Variants in TYR observed in about 807,000 individuals in gnomAD.
TYR encodes LB24-AB.
In TYR, 58 loss-of-function variants were observed where a neutral mutation model predicts 51.5. The ratio of observed to expected loss-of-function variants is 1.13; its 90% CI spans 0.91 to 1.40. The LOEUF is 1.40. TYR is among the 40% of genes most tolerant of loss of function. The pLI, the probability that TYR is intolerant of heterozygous loss-of-function variation, is 0.00. For missense variants in TYR, 732 were observed against 647.4 expected (o/e 1.13, Z -1.42); for synonymous variants, 263 against 235.2 (o/e 1.12, Z -1.08).
At chr11:89,275,190 C>T (rs1944637909) in intron 3 of TYR, among the ~76,000 whole-genome samples, 1 of 151,912 alleles carries the variant, frequency 6.6e-6, no homozygotes, top group African/African-American at 2.4e-5. Flanking sequence ...TTCTTACATA[C>T]TCTGAGAGAT....
intron 3 of TYR, among the ~76,000 whole-genome samples, chr11:89,271,313 C>T (rs983227303): frequency 7.9e-5 from 12 of 151,722 alleles, no homozygotes; most frequent in African/African-American, 1.5e-4. Flanking sequence ...GGTTTGGCTT[C>T]GGACCACCAC....
intron 3 of TYR, among the ~76,000 whole-genome samples, chr11:89,278,669 T>C (rs1184784085): frequency 6.6e-6 from 1 of 151,686 alleles, no homozygotes; most frequent in Non-Finnish European, 1.5e-5. Context: ...ACATTTTCCA[T>C]ACCCAATTCC....
At chr11:89,215,080 T>C (rs1943814509) in intron 2 of TYR, among the ~76,000 whole-genome samples, 1 of 152,116 alleles carries the variant, frequency 6.6e-6, no homozygotes, top group African/African-American at 2.4e-5. Flanking sequence ...GCTATTAAAA[T>C]ATTTGCATTC....
At chr11:89,274,031 C>A (rs909609053) in intron 3 of TYR, among the ~76,000 whole-genome samples, 2 of 151,786 alleles carry the variant, frequency 1.3e-5, no homozygotes, top group Non-Finnish European at 2.9e-5. Context: ...AGAGTTAGGA[C>A]TTAAAAATTT....
chr11:89,208,244 T>C (rs960560529), intron 2 of TYR, among the ~76,000 whole-genome samples: 4 of 152,216 alleles, frequency 2.6e-5, no homozygotes, highest in African/African-American at 7.2e-5. Flanking sequence ...CACTCCAGCC[T>C]GGGCAACAGA....
intron 2 of TYR, among the ~76,000 whole-genome samples, chr11:89,217,159 G>C (rs897456415): frequency 1.3e-5 from 2 of 152,110 alleles, no homozygotes; most frequent in South Asian, 4.1e-4. Flanking sequence ...TTCTGTAGTG[G>C]TAAATGAAGT....
At chr11:89,283,716 G>A (rs547948605) in intron 3 of TYR, 5 of 151,928 alleles carry the variant, frequency 3.3e-5, no homozygotes, top group Admixed American at 6.6e-5. Context: ...ATAATGCAAA[G>A]CCATTCTCTT....
Position 89,178,009 on chromosome 11 carries a change from A to T in TYR, c.56A>T (p.His19Leu). 1 of 1,614,124 alleles carries T rather than the reference A, an allele frequency of 6.2e-7. No individual in the cohort carries two copies. Among genetic ancestry groups the T allele is most frequent in the Non-Finnish European group, 8.5e-7 (1 of 1,180,012 alleles). ...LLWSFQTSAGHFPRACVSSKN... is the reference protein window; with the variant it reads ...LLWSFQTSAGLFPRACVSSKN... Reference sequence around the variant, plus strand: ...TGGAGTTTCCAGACCTCCGCTGGCCATTTCCCTAGAGCCTGTGTCTCCTCT... The same window carrying T: ...TGGAGTTTCCAGACCTCCGCTGGCCTTTTCCCTAGAGCCTGTGTCTCCTCT... Residue 19 changes from histidine to leucine, a missense_variant, in exon 1 of 5, where the codon CAT (histidine) becomes CTT (leucine). Transcript: ENST00000263321.
intron 2 of TYR, among the ~76,000 whole-genome samples, chr11:89,212,556 A>C (rs943204604): frequency 6.8e-6 from 1 of 147,882 alleles, no homozygotes; most frequent in Non-Finnish European, 1.5e-5. Flanking sequence ...CAATCAATAG[A>C]AAAACAGGGA....
intron 1 of TYR, among the ~76,000 whole-genome samples, chr11:89,188,946 G>C (rs1266276007): frequency 6.6e-6 from 1 of 151,922 alleles, no homozygotes; most frequent in African/African-American, 2.4e-5. Context: ...CCCAAACCAA[G>C]TTATATTAAG....
chr11:89,273,873 T>A (rs1944620446), intron 3 of TYR, among the ~76,000 whole-genome samples: 2 of 151,866 alleles, frequency 1.3e-5, no homozygotes, highest in Non-Finnish European at 2.9e-5. Flanking sequence ...CTTCACATAG[T>A]CTCCTCTCCA....
chr11:89,181,325 T>C (rs1943296867), intron 1 of TYR, among the ~76,000 whole-genome samples: 1 of 152,188 alleles, frequency 6.6e-6, no homozygotes, highest in Non-Finnish European at 1.5e-5. Flanking sequence ...CTTCAAGTGT[T>C]TGCATTTTTA....
intron 3 of TYR, among the ~76,000 whole-genome samples, chr11:89,240,598 T>C (rs2135290979): frequency 6.6e-6 from 1 of 152,300 alleles, no homozygotes; most frequent in African/African-American, 2.4e-5. Context: ...ATATGGTTTC[T>C]TTTTAATTCA....
intron 2 of TYR, among the ~76,000 whole-genome samples, chr11:89,192,434 C>CTTAA: frequency 1.3e-5 from 2 of 152,080 alleles, no homozygotes; most frequent in African/African-American, 4.8e-5. Flanking sequence ...TCCTAAAAGG[C>CTTAA]CTGTGACACC....
chr11:89,277,158 T>A (rs1944664341), intron 3 of TYR, among the ~76,000 whole-genome samples: 1 of 151,654 alleles, frequency 6.6e-6, no homozygotes, highest in African/African-American at 2.4e-5. Context: ...TAAGTTTAAA[T>A]GGAAATGTTT....
At chr11:89,202,986 T>C (rs1292881892) in intron 2 of TYR, among the ~76,000 whole-genome samples, 1 of 152,190 alleles carries the variant, frequency 6.6e-6, no homozygotes, top group Non-Finnish European at 1.5e-5. Flanking sequence ...GCAAGTCTGA[T>C]CATTAGCCTT....
chr11:89,287,308 G>A (rs1409105738), intron 4 of TYR, among the ~76,000 whole-genome samples: 1 of 151,696 alleles, frequency 6.6e-6, no homozygotes, highest in East Asian at 1.9e-4. Flanking sequence ...CTAGAAAAAT[G>A]CCACACCTCT....
chr11:89,242,366 C>T (rs1472941278), intron 3 of TYR, among the ~76,000 whole-genome samples: 2 of 133,236 alleles, frequency 1.5e-5, no homozygotes, highest in East Asian at 4.1e-4. Context: ...CACCACCACG[C>T]CCAGCTAATT....
chr11:89,201,912 T>C (rs1943603115), intron 2 of TYR, among the ~76,000 whole-genome samples: 1 of 152,110 alleles, frequency 6.6e-6, no homozygotes, highest in African/African-American at 2.4e-5. Flanking sequence ...ATTTTCAGGA[T>C]GAAATGTCAA....
Sources: gnomAD v4.1 joint callset for allele counts (sites outside exome capture counted in the v4.1 genomes callset) on GRCh38, gnomAD v4.1.1 for gene constraint, MANE v1.5 for transcripts, NCBI Gene and HGNC (gene_info 2026-07-23, HGNC 2026-07-21) for gene names.